CDC42BPA: variants seen among roughly 807,000 people sequenced by gnomAD.
CDC42BPA encodes the protein CDC42 binding protein kinase alpha.
A neutral mutation model predicts 223.5 loss-of-function variants in CDC42BPA; 80 were observed. The observed-to-expected ratio is 0.36, with a 90% confidence interval of 0.30 to 0.43. The LOEUF (loss-of-function observed/expected upper bound fraction) is 0.43, where lower values mean the gene tolerates loss of function less well. Ranked by LOEUF, CDC42BPA falls within the 20% of genes least tolerant of loss-of-function variation. The pLI is 1.00. For synonymous variants in CDC42BPA, 694 were observed against 718.6 expected (o/e 0.97, Z 0.55); for missense variants, 1,743 against 2,099.9 (o/e 0.83, Z 3.32).
In CDC42BPA at chr1:227,112,371, G is replaced by C; in HGVS notation, c.1942C>G (p.Leu648Val). ...GAATAGTGCTCACTCTGTTCACGTA[G>C]CTTCCTGTCTTTAGATGCTTCAGCA... ...LAAEASKDRK[L>V]REQSEHYSKQ... The change falls in exon 14 of 37, where the codon CTA (leucine) becomes GTA (valine). Residue 648 changes from leucine to valine, a missense_variant. Coordinates refer to ENST00000366766, the MANE Select transcript of CDC42BPA (RefSeq NM_001394014.1). The C allele has an allele frequency of 1.2e-6, 2 of 1,608,636 alleles. No homozygotes were observed. The highest frequency in any genetic ancestry group is 2.2e-5 in the East Asian group (1 of 44,506).
chr1:227,285,703 G>A (rs982438209), intron 1 of CDC42BPA, among the ~76,000 whole-genome samples: 14 of 152,128 alleles, frequency 9.2e-5, no homozygotes, highest in Non-Finnish European at 1.9e-4. Flanking sequence ...TATCGAATGA[G>A]AATAAAATCC....
At chr1:227,246,686 T>A (rs1353465228) in intron 2 of CDC42BPA, among the ~76,000 whole-genome samples, 1 of 150,428 alleles carries the variant, frequency 6.6e-6, no homozygotes, top group East Asian at 2.0e-4. Context: ...CCCAAGTCCC[T>A]TCAAATACCT....
chr1:227,275,702 G>A (rs1179212067), intron 1 of CDC42BPA, among the ~76,000 whole-genome samples: 2 of 150,152 alleles, frequency 1.3e-5, no homozygotes, highest in African/African-American at 4.9e-5. Context: ...CAACCTCCCT[G>A]CCTGATTCTC....
intron 10 of CDC42BPA, among the ~76,000 whole-genome samples, chr1:227,132,400 C>T (rs1291671414): frequency 2.0e-5 from 3 of 151,370 alleles, no homozygotes; most frequent in Non-Finnish European, 4.4e-5. Flanking sequence ...CCCGAGGTGC[C>T]GGGATTGCAG....
intron 21 of CDC42BPA, among the ~76,000 whole-genome samples, chr1:227,052,339 T>C (rs1572500839): frequency 6.6e-6 from 1 of 152,166 alleles, no homozygotes; most frequent in East Asian, 1.9e-4. Flanking sequence ...GGGTACTTAA[T>C]AGAGATACAT....
rs1191214849 is a variant in CDC42BPA, at chr1:226,994,971, G to A, written c.4985C>T (p.Ala1662Val). ...CCTCTTTAATGCGCTGCCATTCTGT[G>A]CGGATGACCCTACAGTACATCATGC... ...ASSGLSARSS[A>V]QNGSALKREF... The change falls in exon 36 of 37, where the codon GCA becomes GTA. Residue 1662 changes from alanine to valine, a missense_variant. Around this residue, in one of 6 missense-constraint regions of CDC42BPA, gnomAD observed 200 missense variants for 192.8 expected, o/e 1.04. Transcript: ENST00000366766. The surrounding 1 kb of genome is among the most constrained non-coding windows in gnomAD (Gnocchi z 4.0). 1 of 1,613,818 alleles carries A rather than the reference G, an allele frequency of 6.2e-7. No homozygotes were observed. Among genetic ancestry groups the A allele is most frequent in the Non-Finnish European group, 8.5e-7 (1 of 1,179,862 alleles).
intron 3 of CDC42BPA, among the ~76,000 whole-genome samples, chr1:227,202,261 C>A (rs992613539): frequency 2.6e-5 from 4 of 152,144 alleles, no homozygotes; most frequent in Non-Finnish European, 4.4e-5. Context: ...GGATTACAGG[C>A]GTGAGCCACC....
intron 10 of CDC42BPA, among the ~76,000 whole-genome samples, chr1:227,132,479 TACA>T (rs1382604023): frequency 1.9e-5 from 2 of 107,922 alleles, no homozygotes; most frequent in African/African-American, 3.5e-5. Context: ...CTCGGCTCGC[TACA>T]ACATCTACCT....
Position 227,083,328 on chromosome 1 carries a change from G to C in CDC42BPA, c.2356-2311C>G, listed in dbSNP as rs989402252. 4.3e-4 allele frequency among the ~76,000 whole-genome samples: 66 copies of C among 151,868 alleles called. 1 individual carries two copies. The highest frequency in any genetic ancestry group is 1.5e-3 in the African/African-American group (64 of 41,426). ...CCTTTTCTTTGTTTCTCTCCAATCT[G>C]TTTTTAAAATGTTCTATTGAGTCTT... On this transcript the variant is annotated intron_variant, in intron 16 of 36. Transcript: ENST00000366766.
intron 5 of CDC42BPA, among the ~76,000 whole-genome samples, chr1:227,185,509 G>A (rs949499791): frequency 3.9e-5 from 6 of 152,028 alleles, no homozygotes; most frequent in African/African-American, 1.2e-4. Flanking sequence ...CAGTTTTTTC[G>A]CCGGCTACGT....
At chr1:227,016,906 T>C (rs1666387400) in intron 33 of CDC42BPA, 21 bp downstream of exon 33, 3 of 1,605,104 alleles carry the variant, frequency 1.9e-6, no homozygotes, top group Non-Finnish European at 1.7e-6. Context: ...GCATGGATGA[T>C]ACTACAGGTT....
At chr1:227,068,710 C>G in intron 21 of CDC42BPA, 1 of 1,130,638 alleles carries the variant, frequency 8.8e-7, no homozygotes, top group Non-Finnish European at 1.1e-6. Context: ...TCCTATTTAA[C>G]GAATACAGCA....
chr1:227,188,425 A>G (rs1669189901), intron 5 of CDC42BPA, among the ~76,000 whole-genome samples: 1 of 146,498 alleles, frequency 6.8e-6, no homozygotes, highest in South Asian at 2.2e-4. Flanking sequence ...AAAAAAAAAA[A>G]GCAATCATAT....
intron 5 of CDC42BPA, among the ~76,000 whole-genome samples, chr1:227,190,570 TTTA>T (rs1669543573): frequency 2.2e-5 from 3 of 139,136 alleles, no homozygotes; most frequent in African/African-American, 7.9e-5. Flanking sequence ...TAAATGATTA[TTTA>T]ACTTGTGGTA....
rs1370344438 is a variant in CDC42BPA at position 227,016,837 on chromosome 1, A to G, written c.4739+90T>C. On this transcript the variant is annotated intron_variant, in intron 33 of 36. Coordinates refer to ENST00000366766, the MANE Select transcript of CDC42BPA (RefSeq NM_001394014.1). ...GATCAATGAGATTTTCAGATACCCA[A>G]TTTTCCTTCCAAATCAAATATAGTA... is the stretch of plus-strand genomic sequence containing the variant. 2.0e-5 allele frequency: 27 copies of G among 1,318,324 alleles called. No individual in the cohort carries two copies. The East Asian group carries it at 3.2e-4, about 15-fold the overall frequency. The allele number at this position is 1,318,324 out of a possible 1,614,324, so 81.7% of individuals were successfully genotyped here.
chr1:227,023,105 T>C (rs1667680472), intron 32 of CDC42BPA, among the ~76,000 whole-genome samples, 158 bp downstream of exon 32: 1 of 152,192 alleles, frequency 6.6e-6, no homozygotes, highest in Non-Finnish European at 1.5e-5. Flanking sequence ...TTCTAATATA[T>C]TAAGAATGTG....
chr1:227,256,952 C>CACAG lies in CDC42BPA; in HGVS notation c.179-2798_179-2797insCTGT, dbSNP rs1362606232. ...AAAATGTGATATATATATACAGACA[C>CACAG]ACACACACACACACACACACACACA... On this transcript the variant is annotated intron_variant, in intron 1 of 36. Coordinates refer to ENST00000366766, the MANE Select transcript of CDC42BPA (RefSeq NM_001394014.1). 2.2e-4 allele frequency among the ~76,000 whole-genome samples: 20 copies of CACAG among 92,762 alleles called. No homozygotes were observed. In the East Asian group the frequency reaches 8.0e-3, roughly 37 times the overall value. The allele number at this position is 92,762 out of a possible 152,430, so 60.9% of individuals were successfully genotyped here. A position where few individuals can be genotyped will look rare whatever the true frequency, so the allele number is the denominator to read the frequency against.
intron 1 of CDC42BPA, chr1:227,265,333 T>C: frequency 2.6e-6 from 1 of 377,686 alleles, no homozygotes; most frequent in Non-Finnish European, 5.0e-6. Context: ...CTATACCTCA[T>C]AACCCTCACA....
Position 227,051,877 on chromosome 1 carries a change from G to A in CDC42BPA, c.3009+4C>T. Reference sequence around the variant, plus strand: ...TGGGGAGCAGGGATGCTCCAATAAGGCACCTTAACTGGCTCAGCTTCACTA... The same window carrying A: ...TGGGGAGCAGGGATGCTCCAATAAGACACCTTAACTGGCTCAGCTTCACTA... On this transcript the variant is annotated splice_donor_region_variant and intron_variant, in intron 22 of 36. Transcript: ENST00000366766. 7.4e-7 allele frequency: 1 copy of A among 1,359,912 alleles called. No homozygotes were observed. The highest frequency in any genetic ancestry group is 9.8e-7 in the Non-Finnish European group (1 of 1,015,906). 84.2% of individuals were successfully genotyped at this position (1,359,912 alleles called of 1,614,324 possible). A position where few individuals can be genotyped will look rare whatever the true frequency, so the allele number is the denominator to read the frequency against.
Sources: gnomAD v4.1 joint callset for allele counts (sites outside exome capture counted in the v4.1 genomes callset) on GRCh38, gnomAD v4.1.1 for gene constraint, gnomAD v4.1.1 regional missense constraint, Gnocchi (gnomAD v3.1) non-coding constraint, MANE v1.5 for transcripts, NCBI Gene and HGNC (gene_info 2026-07-23, HGNC 2026-07-21) for gene names.